DCLK1: variants seen among roughly 807,000 people sequenced by gnomAD.
The protein encoded by DCLK1 is serine/threonine-protein kinase DCLK1.
In DCLK1, 16 loss-of-function variants were observed where a neutral mutation model predicts 86.2. The observed-to-expected ratio is 0.19, with a 90% confidence interval of 0.13 to 0.28. The LOEUF is 0.28. DCLK1 is among the 10% of genes least tolerant of loss of function. The pLI, the probability that DCLK1 is intolerant of heterozygous loss-of-function variation, is 1.00. For synonymous variants in DCLK1, 369 were observed against 370.5 expected (o/e 1.00, Z 0.05); for missense variants, 590 against 940.2 (o/e 0.63, Z 4.87).
At chr13:35,855,649 A>G in intron 5 of DCLK1, 1 of 1,464,712 alleles carries the variant, frequency 6.8e-7, no homozygotes, top group Non-Finnish European at 9.2e-7. Flanking sequence ...GGCTGCTCCC[A>G]GAGCAGGCTG....
chr13:35,896,031 G>T (rs886250956), intron 4 of DCLK1, among the ~76,000 whole-genome samples: 1 of 151,822 alleles, frequency 6.6e-6, no homozygotes, highest in Admixed American at 6.6e-5. Flanking sequence ...TACAAGTAAG[G>T]CGCTTTGTTT....
chr13:35,932,132 C>T (rs1876476849), intron 4 of DCLK1, among the ~76,000 whole-genome samples: 1 of 152,168 alleles, frequency 6.6e-6, no homozygotes, highest in African/African-American at 2.4e-5. Context: ...GTAGGTAGGC[C>T]TCATCCAATC....
chr13:35,952,931 C>A (rs116251452), intron 3 of DCLK1, among the ~76,000 whole-genome samples: 216 of 152,282 alleles, frequency 1.4e-3, no homozygotes, highest in African/African-American at 5.0e-3. Context: ...TACCTGGGTT[C>A]TGAGCCCATA....
intron 2 of DCLK1, among the ~76,000 whole-genome samples, chr13:36,124,044 A>G (rs1174032782): frequency 1.3e-5 from 2 of 152,194 alleles, no homozygotes; most frequent in Non-Finnish European, 2.9e-5. Flanking sequence ...TAGATGCTAC[A>G]CAAGTGACTC....
At chr13:36,130,467 G>T (rs766040481) in intron 1 of DCLK1, among the ~76,000 whole-genome samples, 1 of 152,106 alleles carries the variant, frequency 6.6e-6, no homozygotes, top group Non-Finnish European at 1.5e-5. Flanking sequence ...CTCTTTTGTG[G>T]GGCATTGCGG....
chr13:35,822,928 C>T lies in DCLK1; in HGVS notation c.1408-53G>A, dbSNP rs893409260. 5 of 1,600,144 alleles carry T rather than the reference C, an allele frequency of 3.1e-6. No homozygotes were observed. In the African/African-American group the frequency reaches 5.4e-5, roughly 17 times the overall value. ...CACATTAACAGACGGGCCAGTGGGG[C>T]CACCTGCAGAGGCCATTGACAAACC... On this transcript the variant is annotated intron_variant, in intron 10 of 16. Transcript: ENST00000360631.
chr13:35,954,996 G>A (rs139755135), intron 3 of DCLK1, among the ~76,000 whole-genome samples: 9 of 152,188 alleles, frequency 5.9e-5, no homozygotes, highest in African/African-American at 2.2e-4. Flanking sequence ...GTCAATTATG[G>A]AATTGAAAGT....
intron 16 of DCLK1, among the ~76,000 whole-genome samples, chr13:35,791,785 A>G (rs892677180): frequency 3.9e-5 from 6 of 152,212 alleles, no homozygotes; most frequent in African/African-American, 9.7e-5. Flanking sequence ...ACAGAGGTGG[A>G]AAGGCACTCT....
chr13:36,113,693 GTTTA>G (rs1485366017), intron 2 of DCLK1, among the ~76,000 whole-genome samples: 2 of 152,062 alleles, frequency 1.3e-5, no homozygotes, highest in Admixed American at 6.6e-5. Context: ...CTGGGTGGTA[GTTTA>G]TTTATCTATA....
intron 3 of DCLK1, among the ~76,000 whole-genome samples, chr13:36,021,768 G>T (rs1881791468): frequency 6.6e-6 from 1 of 152,044 alleles, no homozygotes; most frequent in Non-Finnish European, 1.5e-5. Context: ...TGACAGAATT[G>T]AAGGGACCTG....
chr13:36,087,162 C>A (rs957449742), intron 3 of DCLK1, among the ~76,000 whole-genome samples: 2 of 152,200 alleles, frequency 1.3e-5, no homozygotes, highest in Non-Finnish European at 2.9e-5. Flanking sequence ...GATCGCCATT[C>A]CAACTGGCAT....
chr13:35,986,550 A>T (rs1879923430), intron 3 of DCLK1, among the ~76,000 whole-genome samples: 1 of 152,152 alleles, frequency 6.6e-6, no homozygotes, highest in Non-Finnish European at 1.5e-5. Flanking sequence ...TGGGAAATCA[A>T]AAGCACATAC....
intron 4 of DCLK1, among the ~76,000 whole-genome samples, chr13:35,937,424 CA>C (rs1876825177): frequency 6.6e-6 from 1 of 152,142 alleles, no homozygotes; most frequent in African/African-American, 2.4e-5. Context: ...GGGATCAAAA[CA>C]GCGGGGAGGA....
At chr13:36,079,631 T>C (rs1884343921) in intron 3 of DCLK1, among the ~76,000 whole-genome samples, 1 of 152,014 alleles carries the variant, frequency 6.6e-6, no homozygotes, top group Non-Finnish European at 1.5e-5. Context: ...AGACTCCATC[T>C]TAAAAAGAAA....
chr13:35,864,212 T>C (rs1223885559), intron 5 of DCLK1, among the ~76,000 whole-genome samples: 1 of 152,230 alleles, frequency 6.6e-6, no homozygotes, highest in Non-Finnish European at 1.5e-5. Flanking sequence ...GCCTCAGTTA[T>C]GTCTGCTAAG....
chr13:36,064,288 C>T (rs1450076114), intron 3 of DCLK1, among the ~76,000 whole-genome samples: 1 of 152,180 alleles, frequency 6.6e-6, no homozygotes, highest in Non-Finnish European at 1.5e-5. Context: ...AACTGTTCAT[C>T]GTAAGTTTGC....
At chr13:35,940,686 T>G (rs2153131645) in intron 4 of DCLK1, among the ~76,000 whole-genome samples, 1 of 152,220 alleles carries the variant, frequency 6.6e-6, no homozygotes, top group Non-Finnish European at 1.5e-5. Flanking sequence ...CTACAGGTGG[T>G]TTAGTTTAAT....
chr13:36,003,948 TA>T (rs1880836567), intron 3 of DCLK1, among the ~76,000 whole-genome samples: 1 of 152,182 alleles, frequency 6.6e-6, no homozygotes, highest in Non-Finnish European at 1.5e-5. Flanking sequence ...AATGAGTAAA[TA>T]AAATTTTATA....
At chr13:35,870,847 T>C (rs1449406789) in intron 5 of DCLK1, among the ~76,000 whole-genome samples, 1 of 151,932 alleles carries the variant, frequency 6.6e-6, no homozygotes, top group Non-Finnish European at 1.5e-5. Flanking sequence ...GTGTGTTTAA[T>C]AAAGGTTCAG....
Sources: allele counts gnomAD v4.1 joint callset (sites outside exome capture counted in the v4.1 genomes callset), GRCh38; gene constraint gnomAD v4.1.1; transcripts MANE v1.5; gene names NCBI Gene and HGNC (gene_info 2026-07-23, HGNC 2026-07-21).